Variants in RAI14 observed in about 807,000 individuals in gnomAD.
The protein encoded by RAI14 is retinoic acid induced 14, also known as ankycorbin.
In RAI14, 45 loss-of-function variants were observed where a neutral mutation model predicts 115.4. That is an observed-to-expected ratio of 0.39 (90% confidence interval 0.31 to 0.50). The LOEUF (loss-of-function observed/expected upper bound fraction) is 0.50, where lower values mean the gene tolerates loss of function less well. Among genes scored for constraint, RAI14 ranks in the 20% least tolerant of loss-of-function variants. RAI14 has a pLI of 0.85. For missense variants in RAI14, 939 were observed against 1,131.2 expected (o/e 0.83, Z 2.44); for synonymous variants, 371 against 415.4 (o/e 0.89, Z 1.30).
intron 3 of RAI14, among the ~76,000 whole-genome samples, chr5:34,793,946 C>A (rs1270801319): frequency 6.6e-6 from 1 of 152,132 alleles, no homozygotes; most frequent in African/African-American, 2.4e-5. Context: ...AATTATGTTA[C>A]ATGCACTATT....
chr5:34,816,378 TTC>T (rs1336884911), intron 12 of RAI14, among the ~76,000 whole-genome samples: 8 of 152,212 alleles, frequency 5.3e-5, no homozygotes, highest in Admixed American at 1.3e-4. Context: ...ACTTGTGTTA[TTC>T]TCTGTTGTCT....
intron 3 of RAI14, among the ~76,000 whole-genome samples, chr5:34,769,136 T>G (rs1236324987): frequency 6.6e-6 from 1 of 151,242 alleles, no homozygotes; most frequent in African/African-American, 2.4e-5. Context: ...AGTAATCCTG[T>G]TTTTTTTTAT....
intron 3 of RAI14, among the ~76,000 whole-genome samples, chr5:34,795,355 A>G (rs976628056): frequency 6.6e-6 from 1 of 152,224 alleles, no homozygotes; most frequent in Non-Finnish European, 1.5e-5. Context: ...TGTCATAGGA[A>G]TGAAAAACAA....
At chr5:34,703,049 T>G (rs6880449) in intron 2 of RAI14, among the ~76,000 whole-genome samples, 8,145 of 152,300 alleles carry the variant, frequency 0.053, 730 homozygotes, top group African/African-American at 0.18. Context: ...ATTATTTATA[T>G]TAATGAGAAA....
intron 3 of RAI14, among the ~76,000 whole-genome samples, chr5:34,761,642 C>T (rs1266474533): frequency 3.9e-5 from 6 of 152,134 alleles, no homozygotes. Context: ...GCTGTCTGCT[C>T]CCGCCCTCCC....
intron 1 of RAI14, chr5:34,656,920 C>A (rs461660): frequency 0.49 from 74,185 of 152,176 alleles, 18,800 homozygotes; most frequent in South Asian, 0.64. Context: ...CGCGTCGGTG[C>A]TGCTGAGCCC....
At chr5:34,767,591 G>GCCCCCCCCCCCCCCCCCCCCCC (rs1561334151) in intron 3 of RAI14, among the ~76,000 whole-genome samples, 4 of 116,836 alleles carry the variant, frequency 3.4e-5, no homozygotes, top group Admixed American at 8.9e-5. Flanking sequence ...CACCGCCACC[G>GCCCCCCCCCCCCCCCCCCCCCC]CCCCCACCAC....
intron 2 of RAI14, among the ~76,000 whole-genome samples, chr5:34,746,795 C>A (rs1746292541): frequency 6.6e-6 from 1 of 152,058 alleles, no homozygotes; most frequent in African/African-American, 2.4e-5. Context: ...GGCTGTGTCC[C>A]CACCCAAATC....
chr5:34,790,758 G>C (rs577612472), intron 3 of RAI14, among the ~76,000 whole-genome samples: 1 of 138,278 alleles, frequency 7.2e-6, no homozygotes, highest in Non-Finnish European at 1.6e-5. Context: ...GTGTGTGTGT[G>C]TATATATACA....
At chr5:34,663,421 T>C (rs527446530) in intron 1 of RAI14, among the ~76,000 whole-genome samples, 74 of 152,084 alleles carry the variant, frequency 4.9e-4, no homozygotes, top group Non-Finnish European at 9.4e-4. Flanking sequence ...GAGGCTGAGG[T>C]GGGAGGATCA....
chr5:34,776,289 G>T (rs1750824815), intron 3 of RAI14, among the ~76,000 whole-genome samples: 1 of 152,186 alleles, frequency 6.6e-6, no homozygotes, highest in Admixed American at 6.5e-5. Context: ...GGGAAAGTGG[G>T]GAGGTTAATG....
intron 3 of RAI14, among the ~76,000 whole-genome samples, chr5:34,792,733 G>A (rs1354363432): frequency 2.0e-5 from 3 of 152,226 alleles, no homozygotes; most frequent in African/African-American, 7.2e-5. Context: ...TGCATGCAGT[G>A]TAAAATCAAA....
In RAI14 at chr5:34,814,069, C is replaced by CA. The variant is rs541206087; in HGVS notation, c.852+411dup. On this transcript the variant is annotated intron_variant, in intron 11 of 17. Transcript: ENST00000265109. The stretch of plus-strand genomic sequence containing the variant: ...CAGTTCGTTTCTTAAAACATTGCTG[C>CA]AATACATTTGCCTTTTTAATTGCTT... Among the ~76,000 whole-genome samples, 30 of 152,180 alleles carry CA rather than the reference C, an allele frequency of 2.0e-4. No individual in the cohort carries two copies. The East Asian group carries it at 5.8e-3, about 29-fold the overall frequency.
intron 3 of RAI14, among the ~76,000 whole-genome samples, chr5:34,771,120 C>A (rs1291654297): frequency 6.6e-6 from 1 of 152,108 alleles, no homozygotes; most frequent in Non-Finnish European, 1.5e-5. Context: ...GGAGAAAATA[C>A]CCTTGGGGCA....
intron 2 of RAI14, among the ~76,000 whole-genome samples, chr5:34,744,678 T>C (rs1430659702): frequency 6.6e-6 from 1 of 152,252 alleles, no homozygotes; most frequent in Non-Finnish European, 1.5e-5. Context: ...TTATATTTTC[T>C]TTGCCTCAGT....
chr5:34,756,017 G>T (rs1207957610), intron 2 of RAI14, among the ~76,000 whole-genome samples: 1 of 152,178 alleles, frequency 6.6e-6, no homozygotes, highest in African/African-American at 2.4e-5. Context: ...TTCCTACTGT[G>T]CACCTGCACT....
intron 4 of RAI14, among the ~76,000 whole-genome samples, chr5:34,802,380 A>G (rs1187528793): frequency 6.6e-6 from 1 of 152,198 alleles, no homozygotes. Flanking sequence ...AGTGCTTTAA[A>G]CATGTCCTAA....
At chr5:34,684,056 C>G (rs112145518) in intron 1 of RAI14, among the ~76,000 whole-genome samples, 3 of 152,160 alleles carry the variant, frequency 2.0e-5, no homozygotes, top group Non-Finnish European at 4.4e-5. Context: ...CAACAGTTGG[C>G]GTAGAAACCC....
chr5:34,740,355 A>G (rs978520361), intron 2 of RAI14, among the ~76,000 whole-genome samples: 1 of 152,184 alleles, frequency 6.6e-6, no homozygotes, highest in East Asian at 1.9e-4. Context: ...GTATTACTTG[A>G]GTCGAATTTT....
Sources: gnomAD v4.1 joint callset for allele counts (sites outside exome capture counted in the v4.1 genomes callset) on GRCh38, gnomAD v4.1.1 for gene constraint, MANE v1.5 for transcripts, NCBI Gene and HGNC (gene_info 2026-07-23, HGNC 2026-07-21) for gene names.